TMX4: variants seen among roughly 807,000 people sequenced by gnomAD.
TMX4 encodes thioredoxin-related transmembrane protein 4.
TMX4 carries 23 observed loss-of-function variants against 33.3 expected under a neutral mutation model. That is an observed-to-expected ratio of 0.69 (90% confidence interval 0.50 to 0.98). The LOEUF (loss-of-function observed/expected upper bound fraction) is 0.98, where lower values mean the gene tolerates loss of function less well. Among genes scored for constraint, TMX4 ranks in the 50% least tolerant of loss-of-function variants. The pLI is 0.00. For missense variants in TMX4, 399 were observed against 448.9 expected (o/e 0.89, Z 1.01); for synonymous variants, 164 against 161.5 (o/e 1.02, Z -0.12).
At chr20:8,004,080 C>T (rs959889106) in intron 2 of TMX4, among the ~76,000 whole-genome samples, 11 of 151,256 alleles carry the variant, frequency 7.3e-5, no homozygotes, top group South Asian at 6.3e-4. Context: ...GATGATGACA[C>T]GCTACTAAAT....
chr20:8,003,162 C>G (rs372524271), intron 2 of TMX4, among the ~76,000 whole-genome samples: 1 of 152,074 alleles, frequency 6.6e-6, no homozygotes, highest in Admixed American at 6.6e-5. Flanking sequence ...TAGTATATGC[C>G]TTTGGTTTAA....
At chr20:7,989,507 C>T (rs1188022155) in intron 5 of TMX4, among the ~76,000 whole-genome samples, 1 of 152,200 alleles carries the variant, frequency 6.6e-6, no homozygotes. Flanking sequence ...ACTTTCAAAA[C>T]ATCCTCTTAT....
At chr20:7,985,178 A>T (rs1397223134) in intron 6 of TMX4, among the ~76,000 whole-genome samples, 1 of 151,542 alleles carries the variant, frequency 6.6e-6, no homozygotes, top group African/African-American at 2.4e-5. Flanking sequence ...AAATTCTAGC[A>T]GTTGTGTGTT....
chr20:7,992,223 C>G (rs2050658168), intron 5 of TMX4, among the ~76,000 whole-genome samples: 1 of 152,180 alleles, frequency 6.6e-6, no homozygotes, highest in Admixed American at 6.5e-5. Flanking sequence ...GATGTCAACT[C>G]TCTGAGAAAC....
intron 6 of TMX4, among the ~76,000 whole-genome samples, chr20:7,984,775 A>T (rs1424300476): frequency 6.6e-6 from 1 of 152,114 alleles, no homozygotes; most frequent in Admixed American, 6.5e-5. Context: ...ATTCTGGAAA[A>T]TTGTACACTC....
intron 1 of TMX4, 97 bp from the exon 2 acceptor site, chr20:8,010,412 A>C (rs1310419981): frequency 1.3e-6 from 1 of 768,444 alleles, no homozygotes; most frequent in Non-Finnish European, 1.8e-6. Context: ...AATTATTAAA[A>C]AAGGGAAATT....
At chr20:7,987,952 AGATTCCAGCAGTCTTT>A (rs1187595603) in intron 5 of TMX4, among the ~76,000 whole-genome samples, 5 of 152,226 alleles carry the variant, frequency 3.3e-5, no homozygotes, top group African/African-American at 1.2e-4. Context: ...TGAGCAAATG[AGATTCCAGCAGTCTTT>A]GAATAGAGTG....
At chr20:8,019,236 G>A (rs1022852773) in intron 1 of TMX4, 2 of 605,820 alleles carry the variant, frequency 3.3e-6, no homozygotes, top group Admixed American at 8.3e-5. Flanking sequence ...GGTAAGGCGG[G>A]TCCGCGGACC....
chr20:8,013,915 T>C (rs747437748), intron 1 of TMX4: 1 of 152,156 alleles, frequency 6.6e-6, no homozygotes, highest in South Asian at 2.1e-4. Context: ...AGAACTTTGA[T>C]CAAAATGCTC....
chr20:8,010,916 A>G (rs2050750355), intron 1 of TMX4, among the ~76,000 whole-genome samples: 1 of 152,150 alleles, frequency 6.6e-6, no homozygotes, highest in Admixed American at 6.6e-5. Flanking sequence ...TACTTTTTAC[A>G]GTTATTTTTC....
chr20:7,999,648 C>T, intron 4 of TMX4, 84 bp downstream of exon 4: 1 of 1,458,178 alleles, frequency 6.9e-7, no homozygotes, highest in Non-Finnish European at 9.2e-7. Context: ...TGAAGTAAAA[C>T]ATAGGCTTTT....
chr20:8,014,202 G>A (rs943808758), intron 1 of TMX4, among the ~76,000 whole-genome samples: 2 of 152,192 alleles, frequency 1.3e-5, no homozygotes, highest in African/African-American at 4.8e-5. Context: ...TAGAGAAAGT[G>A]GAATTCATGA....
intron 1 of TMX4, among the ~76,000 whole-genome samples, chr20:8,016,002 A>G (rs752090172): frequency 6.6e-6 from 1 of 152,226 alleles, no homozygotes; most frequent in African/African-American, 2.4e-5. Context: ...AAAAGCCACC[A>G]GAATGTATCA....
intron 2 of TMX4, among the ~76,000 whole-genome samples, chr20:8,006,807 G>A (rs1281348916): frequency 1.4e-5 from 2 of 147,662 alleles, no homozygotes; most frequent in Admixed American, 6.7e-5. Flanking sequence ...TGCCCAGCCT[G>A]GAGTGCAATA....
At chr20:7,994,559 G>A (rs932106786) in intron 5 of TMX4, among the ~76,000 whole-genome samples, 3 of 152,154 alleles carry the variant, frequency 2.0e-5, no homozygotes, top group Non-Finnish European at 1.5e-5. Context: ...TATCGTCTTT[G>A]AAAGTAAAAC....
At chr20:8,012,042 T>C (rs2050755118) in intron 1 of TMX4, among the ~76,000 whole-genome samples, 1 of 152,146 alleles carries the variant, frequency 6.6e-6, no homozygotes, top group African/African-American at 2.4e-5. Context: ...AATAAGTTAT[T>C]TTCTATGTAG....
intron 7 of TMX4, 137 bp from the exon 8 acceptor site, chr20:7,982,758 C>G (rs1457874771): frequency 1.0e-6 from 1 of 995,710 alleles, no homozygotes; most frequent in Non-Finnish European, 1.5e-6. Context: ...TCATATAGGA[C>G]AGATTCTCTG....
intron 5 of TMX4, among the ~76,000 whole-genome samples, chr20:7,988,336 C>T (rs2050639354): frequency 6.6e-6 from 1 of 152,164 alleles, no homozygotes; most frequent in Admixed American, 6.5e-5. Context: ...GTCCAAGTTT[C>T]TATTTTAATT....
chr20:7,994,515 A>G (rs2050667897), intron 5 of TMX4, among the ~76,000 whole-genome samples: 1 of 152,222 alleles, frequency 6.6e-6, no homozygotes, highest in African/African-American at 2.4e-5. Flanking sequence ...ATTACAAGCT[A>G]TATGAGGTCA....
Sources: allele counts gnomAD v4.1 joint callset (sites outside exome capture counted in the v4.1 genomes callset), GRCh38; gene constraint gnomAD v4.1.1; transcripts MANE v1.5; gene names NCBI Gene and HGNC (gene_info 2026-07-23, HGNC 2026-07-21).